The following PLCH1 variants were observed in gnomAD, a reference collection of about 807,000 sequenced individuals.
PLCH1 encodes 1-phosphatidylinositol 4,5-bisphosphate phosphodiesterase eta-1.
In PLCH1, 60 loss-of-function variants were observed where a neutral mutation model predicts 126.7. That is an observed-to-expected ratio of 0.47 (90% CI 0.38 to 0.59). The LOEUF is 0.59. PLCH1 is among the 20% of genes least tolerant of loss of function. PLCH1 has a pLI of 0.00. For synonymous variants in PLCH1, 719 were observed against 734.9 expected (o/e 0.98, Z 0.35); for missense variants, 1,723 against 2,040.0 (o/e 0.84, Z 2.99).
chr3:155,702,234 G>T (rs746583995), intron 2 of PLCH1, among the ~76,000 whole-genome samples: 1 of 152,220 alleles, frequency 6.6e-6, no homozygotes, highest in African/African-American at 2.4e-5. Flanking sequence ...ACAGAAAAGA[G>T]AACTGAGTTC....
At chr3:155,697,757 A>G (rs891033750) in intron 2 of PLCH1, among the ~76,000 whole-genome samples, 3 of 152,238 alleles carry the variant, frequency 2.0e-5, no homozygotes, top group African/African-American at 7.2e-5. Flanking sequence ...CTGACAGCAG[A>G]GAAGGCATGA....
At chr3:155,483,212 G>A in intron 22 of PLCH1, 161 bp from the exon 23 acceptor site, 1 of 886,612 alleles carries the variant, frequency 1.1e-6, no homozygotes, top group Non-Finnish European at 1.7e-6. Context: ...GTGTCTGTGT[G>A]ATGAATAAAT....
At chr3:155,636,299 C>T (rs1298551348) in intron 2 of PLCH1, among the ~76,000 whole-genome samples, 1 of 152,012 alleles carries the variant, frequency 6.6e-6, no homozygotes, top group African/African-American at 2.4e-5. Context: ...AAAATGTAGT[C>T]AATGTTTTGT....
intron 17 of PLCH1, among the ~76,000 whole-genome samples, 165 bp from the exon 18 acceptor site, chr3:155,493,018 C>T (rs1716484608): frequency 6.6e-6 from 1 of 152,144 alleles, no homozygotes; most frequent in South Asian, 2.1e-4. Context: ...AACCATGTTG[C>T]CAAAGGCCAG....
intron 2 of PLCH1, among the ~76,000 whole-genome samples, chr3:155,661,139 T>G (rs1742088302): frequency 1.3e-5 from 2 of 152,210 alleles, no homozygotes; most frequent in Non-Finnish European, 2.9e-5. Flanking sequence ...ATATACCATA[T>G]AAGAGGCAAA....
intron 21 of PLCH1, among the ~76,000 whole-genome samples, chr3:155,470,455 G>A (rs1713154862): frequency 6.6e-6 from 1 of 152,124 alleles, no homozygotes; most frequent in African/African-American, 2.4e-5. Context: ...TCTGATTGGT[G>A]TACCTGAAAG....
Position 155,549,867 on chromosome 3 carries a change from G to T in PLCH1, c.1282C>A (p.Leu428Met). 1 of 1,613,878 alleles carries T rather than the reference G, an allele frequency of 6.2e-7. No homozygotes were observed. The highest frequency in any genetic ancestry group is 8.5e-7 in the Non-Finnish European group (1 of 1,179,752). The part of the protein sequence containing the change: ...QYLKGIFGDK[L>M]DLSSVDTGEC... ...CCTGTATCAACAGATGACAGGTCCA[G>T]TTTGTCTCCGAATATTCCTTTCAGG... is the stretch of plus-strand genomic sequence containing the variant. The change falls in exon 10 of 23, where the codon CTG becomes ATG. Residue 428 changes from leucine to methionine, a missense_variant. Leu to Met is a conservative substitution (Grantham distance 15). Transcript: ENST00000460012.
At chr3:155,625,044 T>G (rs542285035) in intron 2 of PLCH1, among the ~76,000 whole-genome samples, 83 of 152,124 alleles carry the variant, frequency 5.5e-4, no homozygotes, top group African/African-American at 1.9e-3. Context: ...CCAAAACAGA[T>G]ATATAGACCA....
In PLCH1 at chr3:155,650,483, G is replaced by A. The variant is rs543956659; in HGVS notation, c.79+53663C>T. 8.3e-4 allele frequency among the ~76,000 whole-genome samples: 127 copies of A among 152,254 alleles called. 2 individuals are homozygous for A. Among genetic ancestry groups the A allele is most frequent in the Non-Finnish European group, 1.6e-3 (108 of 68,020 alleles). On this transcript the variant is annotated intron_variant, in intron 2 of 22. Coordinates refer to ENST00000460012, the MANE Select transcript of PLCH1 (RefSeq NM_014996.4). Reference sequence around the variant, plus strand: ...CGGCCAGAGGCCTCTCAAAGAAAATGTTACTTGGGAGTCTAGAATTAGCCT... The same window carrying A: ...CGGCCAGAGGCCTCTCAAAGAAAATATTACTTGGGAGTCTAGAATTAGCCT...
chr3:155,694,696 G>T (rs2109053171), intron 2 of PLCH1, among the ~76,000 whole-genome samples: 1 of 152,246 alleles, frequency 6.6e-6, no homozygotes, highest in Non-Finnish European at 1.5e-5. Flanking sequence ...CATTTTCACA[G>T]ATTCTATATT....
At chr3:155,698,184 A>G (rs1284543606) in intron 2 of PLCH1, among the ~76,000 whole-genome samples, 1 of 152,260 alleles carries the variant, frequency 6.6e-6, no homozygotes, top group Non-Finnish European at 1.5e-5. Context: ...TGAAGCATAT[A>G]TGCTACACTA....
At chr3:155,550,603 T>C (rs1182909835) in intron 9 of PLCH1, among the ~76,000 whole-genome samples, 1 of 152,142 alleles carries the variant, frequency 6.6e-6, no homozygotes, top group Non-Finnish European at 1.5e-5. Flanking sequence ...TCCATGTAAA[T>C]AATTACCTAA....
In PLCH1 at chr3:155,669,192, T is replaced by C. The variant is rs143890429; in HGVS notation, c.79+34954A>G. On this transcript the variant is annotated intron_variant, in intron 2 of 22. Transcript: ENST00000460012. ...GGCATACATTTGTGGTCAAAAACAGTAAGTAGTAATGAGAGAATATGAAAT... is the reference window on the plus strand; with the variant it reads ...GGCATACATTTGTGGTCAAAAACAGCAAGTAGTAATGAGAGAATATGAAAT... Among the ~76,000 whole-genome samples, 712 of 149,078 alleles carry C rather than the reference T, an allele frequency of 4.8e-3. 4 individuals carry two copies. The highest frequency in any genetic ancestry group is 0.017 in the African/African-American group (680 of 40,826).
At chr3:155,636,760 T>A (rs66652990) in intron 2 of PLCH1, among the ~76,000 whole-genome samples, 42,453 of 149,818 alleles carry the variant, frequency 0.28, 6,469 homozygotes, top group East Asian at 0.43. Context: ...AAAAAAAAAA[T>A]TAGATTTTGT....
At chr3:155,492,878 G>A (rs369987552) in intron 17 of PLCH1, 25 bp from the exon 18 acceptor site, 185 of 1,550,936 alleles carry the variant, frequency 1.2e-4, no homozygotes, top group Non-Finnish European at 1.6e-4. Context: ...GTATAAGTTG[G>A]TAACATAAGA....
At chr3:155,469,052 T>C (rs1042898020) in intron 21 of PLCH1, among the ~76,000 whole-genome samples, 4 of 152,172 alleles carry the variant, frequency 2.6e-5, no homozygotes, top group Admixed American at 1.3e-4. Flanking sequence ...TTTTTAAAAA[T>C]TGGAATAATA....
chr3:155,651,025 G>A (rs75292570), intron 2 of PLCH1, among the ~76,000 whole-genome samples: 18,214 of 151,412 alleles, frequency 0.12, 1,181 homozygotes, highest in East Asian at 0.19. Context: ...GCAACAGAGC[G>A]AGACTCCGTC....
intron 1 of PLCH1, among the ~76,000 whole-genome samples, chr3:155,709,236 C>A (rs988661830): frequency 6.6e-6 from 1 of 152,142 alleles, no homozygotes; most frequent in Non-Finnish European, 1.5e-5. Flanking sequence ...ACAGATCCTG[C>A]AAACATCCAT....
chr3:155,718,432 C>A (rs1747688193), intron 1 of PLCH1, among the ~76,000 whole-genome samples: 1 of 152,174 alleles, frequency 6.6e-6, no homozygotes, highest in Non-Finnish European at 1.5e-5. Context: ...CTCTCAGAAC[C>A]AATTTTCTGT....
Sources: gnomAD v4.1 joint callset for allele counts (sites outside exome capture counted in the v4.1 genomes callset) on GRCh38, gnomAD v4.1.1 for gene constraint, MANE v1.5 for transcripts, NCBI Gene and HGNC (gene_info 2026-07-23, HGNC 2026-07-21) for gene names.